The following HVCN1 variants were observed in gnomAD, a reference collection of about 807,000 sequenced individuals.
HVCN1 encodes the protein voltage-gated hydrogen channel 1.
HVCN1 carries 14 observed loss-of-function variants against 29.2 expected under a neutral mutation model. The ratio of observed to expected loss-of-function variants is 0.48; its 90% CI spans 0.32 to 0.75. The LOEUF (loss-of-function observed/expected upper bound fraction) is 0.75, where lower values mean the gene tolerates loss of function less well. Among genes scored for constraint, HVCN1 ranks in the 30% least tolerant of loss-of-function variants. The pLI is 0.04. For missense variants in HVCN1, 263 were observed against 341.8 expected (o/e 0.77, Z 1.82); for synonymous variants, 131 against 133.2 (o/e 0.98, Z 0.11).
chr12:110,649,769 C>T (rs1210180027), intron 7 of HVCN1, among the ~76,000 whole-genome samples: 2 of 152,206 alleles, frequency 1.3e-5, no homozygotes, highest in Admixed American at 1.3e-4. Context: ...AAGGCAGGCT[C>T]AGCCCAGGGA....
chr12:110,669,846 A>G (rs951976661), intron 3 of HVCN1, among the ~76,000 whole-genome samples: 8 of 152,124 alleles, frequency 5.3e-5, no homozygotes, highest in Admixed American at 3.9e-4. Flanking sequence ...ACCTGATGTC[A>G]GGAGCTCGAG....
intron 3 of HVCN1, among the ~76,000 whole-genome samples, chr12:110,674,295 C>A (rs1203121284): frequency 2.0e-5 from 3 of 152,154 alleles, no homozygotes; most frequent in Non-Finnish European, 4.4e-5. Context: ...TACCTGTAAC[C>A]CCCCTGCATG....
intron 3 of HVCN1, among the ~76,000 whole-genome samples, chr12:110,668,085 A>G (rs2068431951): frequency 6.6e-6 from 1 of 152,170 alleles, no homozygotes; most frequent in Non-Finnish European, 1.5e-5. Context: ...GGACAGACTG[A>G]TCCTGCCACC....
chr12:110,699,555 G>C (rs1273694690), intron 2 of HVCN1, among the ~76,000 whole-genome samples: 2 of 152,158 alleles, frequency 1.3e-5, no homozygotes, highest in Non-Finnish European at 2.9e-5. Flanking sequence ...AGCTGAGGGA[G>C]AGACAGAGAA....
At chr12:110,680,644 C>T (rs558039629) in intron 3 of HVCN1, among the ~76,000 whole-genome samples, 3 of 152,302 alleles carry the variant, frequency 2.0e-5, no homozygotes, top group African/African-American at 7.2e-5. Flanking sequence ...GGGCCAGGTG[C>T]GGTGGCTCAT....
At chr12:110,683,081 T>C in intron 3 of HVCN1, 144 bp downstream of exon 3, 5 of 1,142,860 alleles carry the variant, frequency 4.4e-6, no homozygotes, top group Non-Finnish European at 6.5e-6. Context: ...TTTTACAGCT[T>C]TTCATCATTT....
intron 2 of HVCN1, among the ~76,000 whole-genome samples, chr12:110,699,466 C>A (rs2069540115): frequency 6.6e-6 from 1 of 152,114 alleles, no homozygotes; most frequent in Non-Finnish European, 1.5e-5. Context: ...GGGGGCCCCA[C>A]TGCCTTCCAG....
At chr12:110,660,435 G>T (rs1362584299) in intron 4 of HVCN1, among the ~76,000 whole-genome samples, 2 of 152,238 alleles carry the variant, frequency 1.3e-5, no homozygotes, top group East Asian at 3.8e-4. Context: ...CACTCCACAA[G>T]AGAGACTGAG....
intron 3 of HVCN1, among the ~76,000 whole-genome samples, chr12:110,677,032 C>T (rs972692861): frequency 6.6e-6 from 1 of 151,898 alleles, no homozygotes; most frequent in Admixed American, 6.6e-5. Context: ...AGTGAGACTC[C>T]GTCTCTACAA....
chr12:110,672,711 A>G (rs1430175636), intron 3 of HVCN1, among the ~76,000 whole-genome samples: 2 of 152,160 alleles, frequency 1.3e-5, no homozygotes, highest in African/African-American at 2.4e-5. Flanking sequence ...CGGGGGAGGT[A>G]ACTGAAACAT....
chr12:110,669,778 G>T (rs895230403), intron 3 of HVCN1, among the ~76,000 whole-genome samples: 1 of 152,146 alleles, frequency 6.6e-6, no homozygotes, highest in East Asian at 1.9e-4. Context: ...TTAAGAGGCC[G>T]GGCGCGGTGG....
intron 1 of HVCN1, among the ~76,000 whole-genome samples, chr12:110,703,206 C>T (rs2069578739): frequency 1.4e-5 from 1 of 72,860 alleles, no homozygotes; most frequent in African/African-American, 7.8e-5. Flanking sequence ...CATGTCTCTA[C>T]CAAAAAAAAA....
upstream of HVCN1, among the ~76,000 whole-genome samples, chr12:110,692,735 A>G (rs2136500189): frequency 6.6e-6 from 1 of 152,176 alleles, no homozygotes; most frequent in East Asian, 1.9e-4. Context: ...TAAAAAACAA[A>G]AACAAAAACA....
At chr12:110,666,731 C>T (rs1420435180) in intron 3 of HVCN1, among the ~76,000 whole-genome samples, 8 of 152,154 alleles carry the variant, frequency 5.3e-5, no homozygotes, top group Non-Finnish European at 1.2e-4. Flanking sequence ...CCGAGCTTCG[C>T]TTACTCTTGC....
At chr12:110,702,273 CCT>C (rs2069571871) in intron 2 of HVCN1, 1 of 152,078 alleles carries the variant, frequency 6.6e-6, no homozygotes. Context: ...TGTATGTGGC[CCT>C]GAGTCAACCT....
At position 110,676,933 on chromosome 12, in the gene HVCN1, G is replaced by C. The variant is rs1250044185; in HGVS notation, c.21+6292C>G. Among the ~76,000 whole-genome samples the C allele has an allele frequency of 2.0e-5, 3 of 152,062 alleles. No individual in the cohort carries two copies. The highest frequency in any genetic ancestry group is 2.1e-4 in the South Asian group (1 of 4,820). On this transcript the variant is annotated intron_variant, in intron 3 of 7. Coordinates refer to ENST00000242607, the MANE Select transcript of HVCN1 (RefSeq NM_032369.4). This position sits in a 1 kb window ranked among gnomAD's most constrained non-coding sequence, Gnocchi z 4.1. Reference sequence around the variant, plus strand: ...TCCCTTATTTAAAACTTTTGGCTGGGTGCAGTCACTCACACCTGTAATCCC... The same window carrying C: ...TCCCTTATTTAAAACTTTTGGCTGGCTGCAGTCACTCACACCTGTAATCCC...
chr12:110,683,253 T>C lies in HVCN1; in HGVS notation c.-8A>G. ...TTCGTCCCAGGTGGCCATGTCCCTG[T>C]TGCCTCTGGATCTGAAAAATAAAAA... On this transcript the variant is annotated 5_prime_UTR_variant, in exon 3 of 8. Transcript: ENST00000242607. The C allele has an allele frequency of 6.2e-7, 1 of 1,609,478 alleles. No homozygotes were observed. Among genetic ancestry groups the C allele is most frequent in the Non-Finnish European group, 8.5e-7 (1 of 1,178,780 alleles).
Position 110,649,363 on chromosome 12 carries a change from C to G in HVCN1, c.*47G>C. ...GGCAGCTGTTCCTCTCGTGACAGCA[C>G]AGGCCCATGAGACAGTGTCTTCTTT... is the stretch of plus-strand genomic sequence containing the variant. On this transcript the variant is annotated 3_prime_UTR_variant, in exon 8 of 8. Coordinates refer to ENST00000242607, the MANE Select transcript of HVCN1 (RefSeq NM_032369.4). 2 of 1,495,650 alleles carry G rather than the reference C, an allele frequency of 1.3e-6. No homozygotes were observed. Among genetic ancestry groups the G allele is most frequent in the Non-Finnish European group, 1.9e-6 (2 of 1,078,180 alleles). The allele number at this position is 1,495,650 out of a possible 1,614,324, so 92.6% of individuals were successfully genotyped here.
Position 110,661,299 on chromosome 12 carries a change from T to C in HVCN1, c.171A>G (p.Pro57=), listed in dbSNP as rs144694223. The C allele has an allele frequency of 9.1e-3, 14,644 of 1,614,112 alleles. 73 individuals are homozygous for C. Among genetic ancestry groups the C allele is most frequent in the Non-Finnish European group, 0.01 (11,961 of 1,179,994 alleles). The change falls in exon 4 of 8, where the codon CCA becomes CCG. Residue 57 remains proline (P), a synonymous_variant. Transcript: ENST00000242607. The surrounding 1 kb of genome is among the most constrained non-coding windows in gnomAD (Gnocchi z 6.2). ...CCTCGCCTGAGACTGGTGTGGGTGG[T>C]GGCTGCTCCTCCTCCTCCTCCTCCT... The part of the protein sequence containing the change: ...NEEEEEEEEQ[P]PPTPVSGEEG...
Sources: gnomAD v4.1 joint callset for allele counts (sites outside exome capture counted in the v4.1 genomes callset) on GRCh38, gnomAD v4.1.1 for gene constraint, Gnocchi (gnomAD v3.1) non-coding constraint, MANE v1.5 for transcripts, NCBI Gene and HGNC (gene_info 2026-07-23, HGNC 2026-07-21) for gene names.